The following FH variants were observed in gnomAD, a reference collection of about 807,000 sequenced individuals.
FH encodes the protein fumarate hydratase, also known as fumarate hydratase, mitochondrial.
A neutral mutation model predicts 49.4 loss-of-function variants in FH; 22 were observed. The ratio of observed to expected loss-of-function variants is 0.45; its 90% CI spans 0.32 to 0.64. The LOEUF (loss-of-function observed/expected upper bound fraction) is 0.64, where lower values mean the gene tolerates loss of function less well. FH is among the 30% of genes least tolerant of loss of function. FH has a pLI of 0.05. For synonymous variants in FH, 208 were observed against 223.0 expected (o/e 0.93, Z 0.60); for missense variants, 526 against 641.5 (o/e 0.82, Z 1.95).
chr1:241,510,298 A>C (rs1660050977), intron 4 of FH, among the ~76,000 whole-genome samples: 1 of 152,240 alleles, frequency 6.6e-6, no homozygotes, highest in Non-Finnish European at 1.5e-5. Context: ...AGCTTGGAGC[A>C]TCTTAAAGTA....
At chr1:241,505,946 G>A in intron 6 of FH, 57 bp downstream of exon 6, 4 of 1,499,550 alleles carry the variant, frequency 2.7e-6, no homozygotes, top group Non-Finnish European at 3.7e-6. Flanking sequence ...CTCAGAAAAT[G>A]TACAGACCAC....
rs143840817 is a variant in FH, at chr1:241,502,087, GGGGCCATGCT to G, written c.1236+346_1236+355del. Among the ~76,000 whole-genome samples the G allele has an allele frequency of 0.027, 4,161 of 152,244 alleles. 80 individuals are homozygous for G. Among genetic ancestry groups the G allele is most frequent in the Middle Eastern group, 0.12 (34 of 292 alleles). ...ATGGGAGAATAATTCAAGCGTGGAG[GGGGCCATGCT>G]GGGCTGTGGTGACTACAGCATAAAT... is the stretch of plus-strand genomic sequence containing the variant. On this transcript the variant is annotated intron_variant, in intron 8 of 9. Transcript: ENST00000366560.
chr1:241,512,411 C>T (rs566145740), intron 3 of FH, among the ~76,000 whole-genome samples: 5 of 152,184 alleles, frequency 3.3e-5, no homozygotes, highest in Non-Finnish European at 7.3e-5. Context: ...CTGGCAAATA[C>T]GTTTAGTCTC....
intron 1 of FH, among the ~76,000 whole-genome samples, chr1:241,518,101 T>C (rs1660268034): frequency 1.3e-5 from 2 of 152,234 alleles, no homozygotes; most frequent in Non-Finnish European, 2.9e-5. Flanking sequence ...TTGTATGTGT[T>C]CTTTTAAATA....
intron 2 of FH, among the ~76,000 whole-genome samples, chr1:241,515,234 G>T (rs1053053880): frequency 6.6e-6 from 1 of 151,960 alleles, no homozygotes; most frequent in African/African-American, 2.4e-5. Context: ...TGACAAAATC[G>T]AGACCCCAGG....
chr1:241,500,826 T>C (rs1659760271), intron 8 of FH, among the ~76,000 whole-genome samples: 1 of 151,998 alleles, frequency 6.6e-6, no homozygotes, highest in Non-Finnish European at 1.5e-5. Context: ...AAGACATAAA[T>C]ACAAATGACT....
At chr1:241,517,417 T>C (rs1179756482) in intron 1 of FH, 101 bp from the exon 2 acceptor site, 1 of 1,289,836 alleles carries the variant, frequency 7.8e-7, no homozygotes, top group Admixed American at 1.9e-5. Flanking sequence ...CCTGAATAAG[T>C]ATCACAAAGA....
chr1:241,513,499 A>C, intron 3 of FH, 104 bp downstream of exon 3: 2 of 889,884 alleles, frequency 2.2e-6, no homozygotes, highest in Admixed American at 3.4e-5. Flanking sequence ...AAATTCATTA[A>C]TTCAAGAATT....
chr1:241,510,931 C>G (rs1660065125), intron 4 of FH, among the ~76,000 whole-genome samples: 1 of 152,176 alleles, frequency 6.6e-6, no homozygotes, highest in African/African-American at 2.4e-5. Flanking sequence ...ATGTTGCTAT[C>G]ATGAACCCCT....
chr1:241,519,494 G>A (rs1236659931), intron 1 of FH, 97 bp downstream of exon 1: 17 of 1,419,740 alleles, frequency 1.2e-5, no homozygotes, highest in Middle Eastern at 5.0e-4. Flanking sequence ...CCGGACGCCC[G>A]GGGAATCTCT....
At chr1:241,507,327 G>C (rs1308420451) in intron 5 of FH, among the ~76,000 whole-genome samples, 2 of 152,094 alleles carry the variant, frequency 1.3e-5, no homozygotes, top group African/African-American at 2.4e-5. Flanking sequence ...ATCTAGGTTT[G>C]TGTGAGTATA....
intron 4 of FH, among the ~76,000 whole-genome samples, chr1:241,511,609 C>T (rs1048841862): frequency 6.6e-6 from 1 of 151,196 alleles, no homozygotes; most frequent in African/African-American, 2.4e-5. Flanking sequence ...ATGTTAATTT[C>T]TTAGTTTTGA....
In FH at chr1:241,502,523, G is replaced by C. The variant is rs2147914963; in HGVS notation, c.1156C>G (p.Gln386Glu). 6.2e-7 allele frequency: 1 copy of C among 1,614,076 alleles called. No individual in the cohort carries two copies. The highest frequency in any genetic ancestry group is 8.5e-7 in the Non-Finnish European group (1 of 1,179,954). ...QCEAMTMVAA[Q>E]VMGNHVAVTV... Reference sequence around the variant, plus strand: ...ACAGCAACATGGTTCCCCATGACTTGGGCTGCAACCATGGTCATTGCTTCA... The same window carrying C: ...ACAGCAACATGGTTCCCCATGACTTCGGCTGCAACCATGGTCATTGCTTCA... The change falls in exon 8 of 10, where the codon CAA becomes GAA. Residue 386 changes from glutamine (Q) to glutamate (E), a missense_variant. Physicochemically the swap from Gln to Glu is conservative, Grantham distance 29. Coordinates refer to ENST00000366560, the MANE Select transcript of FH (RefSeq NM_000143.4).
rs368234566 is a variant in FH, at chr1:241,506,115, A to G, written c.792T>C (p.Ala264=). The G allele has an allele frequency of 6.2e-7, 1 of 1,613,900 alleles. No individual in the cohort carries two copies. The highest frequency in any genetic ancestry group is 1.3e-5 in the African/African-American group (1 of 74,942). ...QVKYAMTRIK[A]AMPRIYELAA... is the part of the protein sequence containing the mutation. ...CGAGCTCATAGATTCTTGGCATGGC[A>G]GCTTTTATTCTTGTCATTGCATATT... Residue 264 remains alanine, a synonymous_variant, in exon 6 of 10, where the codon GCT becomes GCC. Coordinates refer to ENST00000366560, the MANE Select transcript of FH (RefSeq NM_000143.4).
intron 2 of FH, among the ~76,000 whole-genome samples, chr1:241,513,971 T>C (rs754585480): frequency 6.6e-6 from 1 of 152,046 alleles, no homozygotes; most frequent in Non-Finnish European, 1.5e-5. Flanking sequence ...TGTGTGTACG[T>C]CTCCCACATA....
In FH at chr1:241,497,963, G is replaced by A. The variant is rs1558395525; in HGVS notation, c.1398C>T (p.Asp466=). 2 of 1,613,898 alleles carry A rather than the reference G, an allele frequency of 1.2e-6. No individual in the cohort carries two copies. Among genetic ancestry groups the A allele is most frequent in the Non-Finnish European group, 1.7e-6 (2 of 1,179,926 alleles). ...CTGTCTTAGCAATCTTTGCTGCCTT[G>A]TCATACCCTGAAGAAAAAATAAAAA... ...VTALNPHIGY[D]KAAKIAKTAH... is the part of the protein sequence containing the mutation. The change falls in exon 10 of 10, where the codon GAC becomes GAT. Residue 466 remains aspartate (D), a synonymous_variant. Transcript: ENST00000366560.
chr1:241,517,528 G>A (rs1381443055), intron 1 of FH, among the ~76,000 whole-genome samples: 2 of 152,190 alleles, frequency 1.3e-5, no homozygotes, highest in African/African-American at 4.8e-5. Flanking sequence ...TTTAAAGACA[G>A]ACTGTAGAAC....
chr1:241,515,335 A>G (rs896374316), intron 2 of FH, among the ~76,000 whole-genome samples: 75 of 152,196 alleles, frequency 4.9e-4, no homozygotes, highest in Non-Finnish European at 2.1e-4. Flanking sequence ...ACCACAAAAC[A>G]TGCTGGTGAC....
chr1:241,518,130 C>G (rs4659608), intron 1 of FH, among the ~76,000 whole-genome samples: 41,802 of 152,044 alleles, frequency 0.27, 6,813 homozygotes, highest in Non-Finnish European at 0.37. Flanking sequence ...CTTAGGGCAT[C>G]AAGGGTTATG....
Sources: gnomAD v4.1 joint callset for allele counts (sites outside exome capture counted in the v4.1 genomes callset) on GRCh38, gnomAD v4.1.1 for gene constraint, MANE v1.5 for transcripts, NCBI Gene and HGNC (gene_info 2026-07-23, HGNC 2026-07-21) for gene names.